The following LITAF variants were observed in gnomAD, a reference collection of about 807,000 sequenced individuals.
LITAF encodes lipopolysaccharide-induced tumor necrosis factor-alpha factor.
In LITAF, 9 loss-of-function variants were observed where a neutral mutation model predicts 14.5. That is an observed-to-expected ratio of 0.62 (90% confidence interval 0.37 to 1.08). LITAF has a LOEUF of 1.08. LITAF is among the 50% of genes least tolerant of loss of function. The probability of loss-of-function intolerance (pLI) is 0.01; values close to 1 mark genes in which losing one functional copy is unlikely to be tolerated. For missense variants in LITAF, 206 were observed against 213.4 expected (o/e 0.97, Z 0.22); for synonymous variants, 98 against 88.2 (o/e 1.11, Z -0.62).
At chr16:11,580,650 A>G (rs969733596) in intron 1 of LITAF, among the ~76,000 whole-genome samples, 1 of 152,128 alleles carries the variant, frequency 6.6e-6, no homozygotes, top group Non-Finnish European at 1.5e-5. Flanking sequence ...AACTTTCATC[A>G]TTCAAGAGGC....
chr16:11,556,473 C>G, intron 2 of LITAF, 38 bp downstream of exon 2: 1 of 1,573,896 alleles, frequency 6.4e-7, no homozygotes, highest in Non-Finnish European at 8.7e-7. Context: ...GGTGGAGGGC[C>G]AAGGAATGGT....
At chr16:11,560,287 A>T (rs2064341193) in intron 1 of LITAF, among the ~76,000 whole-genome samples, 1 of 151,666 alleles carries the variant, frequency 6.6e-6, no homozygotes. Flanking sequence ...ACAGAGTGAG[A>T]CTCTGTCTCA....
chr16:11,637,898 C>CCTA (rs1555475611), upstream of LITAF, among the ~76,000 whole-genome samples: 1 of 27,238 alleles, frequency 3.7e-5, no homozygotes. Flanking sequence ...AAAAAAAAAA[C>CCTA]TATATATATA....
intron 3 of LITAF, among the ~76,000 whole-genome samples, chr16:11,623,299 C>T (rs919795986): frequency 6.6e-6 from 1 of 151,790 alleles, no homozygotes; most frequent in African/African-American, 2.4e-5. Flanking sequence ...TTTATTTGCT[C>T]ATATAGTTGG....
At chr16:11,599,260 G>A (rs567046964), upstream of LITAF, among the ~76,000 whole-genome samples, 2 of 152,006 alleles carry the variant, frequency 1.3e-5, no homozygotes, top group African/African-American at 2.4e-5. Flanking sequence ...TGGGATTACA[G>A]GCATGCATCA....
At chr16:11,577,291 T>C (rs1244557963) in intron 1 of LITAF, among the ~76,000 whole-genome samples, 3 of 151,470 alleles carry the variant, frequency 2.0e-5, no homozygotes, top group Non-Finnish European at 4.4e-5. Context: ...AGGGTATCTA[T>C]GGCATCAGCT....
At chr16:11,638,016 A>G (rs2065147783), upstream of LITAF, among the ~76,000 whole-genome samples, 2 of 104,012 alleles carry the variant, frequency 1.9e-5, no homozygotes, top group Non-Finnish European at 3.5e-5. Context: ...ATATATATCT[A>G]TATATATCTA....
At chr16:11,560,582 C>CA (rs57634636) in intron 1 of LITAF, among the ~76,000 whole-genome samples, 61,735 of 118,554 alleles carry the variant, frequency 0.52, 13,771 homozygotes, top group Admixed American at 0.64. Context: ...GATTCCATCT[C>CA]AAAAAAAAAA....
rs2064214132 is a variant in LITAF, at chr16:11,553,481, C to T, written c.377+52G>A. ...GCAGTTGAGAACCCACCCCCGCCAG[C>T]ACCCAGAGAGAAGGGCAGGATGGCT... On this transcript the variant is annotated intron_variant, in intron 3 of 3. Transcript: ENST00000622633. This position sits in a 1 kb window ranked among gnomAD's most constrained non-coding sequence, Gnocchi z 7.7. The T allele has an allele frequency of 3.7e-6, 6 of 1,603,742 alleles. No individual in the cohort carries two copies. The South Asian group carries it at 6.6e-5, about 18-fold the overall frequency.
intron 1 of LITAF, among the ~76,000 whole-genome samples, chr16:11,575,877 T>C (rs1030978765): frequency 1.3e-5 from 2 of 152,174 alleles, no homozygotes; most frequent in African/African-American, 4.8e-5. Flanking sequence ...CTTTTTTCTT[T>C]CTTAAACTGA....
chr16:11,594,142 C>T (rs2193268), intron 1 of LITAF, among the ~76,000 whole-genome samples: 86,513 of 151,284 alleles, frequency 0.57, 25,255 homozygotes, highest in African/African-American at 0.69. Context: ...GCCGAGATGG[C>T]GCCACTGCAC....
intron 1 of LITAF, among the ~76,000 whole-genome samples, chr16:11,569,805 G>A (rs1378280186): frequency 6.6e-6 from 1 of 152,212 alleles, no homozygotes; most frequent in Non-Finnish European, 1.5e-5. Flanking sequence ...GACAGAGGCA[G>A]GTGGATCACT....
At chr16:11,578,607 A>T (rs1426369441) in intron 1 of LITAF, among the ~76,000 whole-genome samples, 1 of 152,192 alleles carries the variant, frequency 6.6e-6, no homozygotes, top group Admixed American at 6.5e-5. Context: ...TCTTGATATT[A>T]ATTAACATCA....
At chr16:11,609,734 C>T (rs1055472704) in intron 3 of LITAF, among the ~76,000 whole-genome samples, 1 of 152,090 alleles carries the variant, frequency 6.6e-6, no homozygotes, top group African/African-American at 2.4e-5. Context: ...TTCAAGGGAC[C>T]GTAAACATTT....
chr16:11,607,981 G>A (rs551569679), intron 3 of LITAF, among the ~76,000 whole-genome samples: 8 of 152,282 alleles, frequency 5.3e-5, no homozygotes, highest in African/African-American at 1.9e-4. Flanking sequence ...CTGAAGGCAG[G>A]ATCATTATGG....
At chr16:11,579,669 C>A (rs1308384937) in intron 1 of LITAF, among the ~76,000 whole-genome samples, 1 of 152,122 alleles carries the variant, frequency 6.6e-6, no homozygotes, top group Admixed American at 6.6e-5. Flanking sequence ...GTTTGACAAA[C>A]ATACTGTGTG....
rs1007638333 is a variant in LITAF, at chr16:11,634,114, G to A, written c.-20-477C>T. Among the ~76,000 whole-genome samples the A allele has an allele frequency of 6.6e-6, 1 of 152,152 alleles. No homozygotes were observed. The highest frequency in any genetic ancestry group is 1.5e-5 in the Non-Finnish European group (1 of 68,032). Reference sequence around the variant, plus strand: ...GACACACAGACATGAATACACATGTGCAGAGACTCATATGGGCACTTATAC... The same window carrying A: ...GACACACAGACATGAATACACATGTACAGAGACTCATATGGGCACTTATAC... On this transcript the variant is annotated intron_variant, in intron 2 of 3. Transcript: ENST00000574848. This position sits in a 1 kb window ranked among gnomAD's most constrained non-coding sequence, Gnocchi z 4.1.
intron 3 of LITAF, among the ~76,000 whole-genome samples, chr16:11,606,432 G>C (rs1343009814): frequency 6.6e-6 from 1 of 152,060 alleles, no homozygotes; most frequent in Non-Finnish European, 1.5e-5. Flanking sequence ...GCCTCCCAAA[G>C]TGCTGGGATT....
chr16:11,581,937 G>C (rs567319473), intron 1 of LITAF, among the ~76,000 whole-genome samples: 1 of 152,238 alleles, frequency 6.6e-6, no homozygotes, highest in Non-Finnish European at 1.5e-5. Context: ...GGTTACAAAG[G>C]GGAGGGGAAG....
Sources: allele counts gnomAD v4.1 joint callset (sites outside exome capture counted in the v4.1 genomes callset), GRCh38; gene constraint gnomAD v4.1.1; non-coding constraint Gnocchi (gnomAD v3.1); transcripts MANE v1.5; gene names NCBI Gene and HGNC (gene_info 2026-07-23, HGNC 2026-07-21).